The following MYRIP variants were observed in gnomAD, a reference collection of about 807,000 sequenced individuals.
MYRIP encodes rab effector MyRIP.
MYRIP carries 49 observed loss-of-function variants against 98.0 expected under a neutral mutation model. The observed-to-expected ratio is 0.50, with a 90% CI of 0.40 to 0.63. The LOEUF (loss-of-function observed/expected upper bound fraction) is 0.63, where lower values mean the gene tolerates loss of function less well. MYRIP is among the 30% of genes least tolerant of loss of function. The pLI, the probability that MYRIP is intolerant of heterozygous loss-of-function variation, is 0.00. For missense variants in MYRIP, 1,004 were observed against 1,058.2 expected, an observed-to-expected ratio of 0.95 and a Z score of 0.71; for synonymous variants, 404 against 409.5, an observed-to-expected ratio of 0.99 and a Z score of 0.16.
intron 2 of MYRIP, among the ~76,000 whole-genome samples, chr3:39,916,019 A>G (rs1441476650): frequency 1.3e-5 from 2 of 152,034 alleles, no homozygotes; most frequent in African/African-American, 4.8e-5. Flanking sequence ...GACACTTGCT[A>G]GTTATGTGGC....
intron 3 of MYRIP, among the ~76,000 whole-genome samples, chr3:40,144,954 T>C (rs1242716481): frequency 6.6e-6 from 1 of 152,230 alleles, no homozygotes; most frequent in Non-Finnish European, 1.5e-5. Flanking sequence ...TGTTGATTTA[T>C]GCATCTATGA....
chr3:39,975,742 C>T (rs1377111428), intron 2 of MYRIP, among the ~76,000 whole-genome samples: 1 of 152,114 alleles, frequency 6.6e-6, no homozygotes, highest in Non-Finnish European at 1.5e-5. Context: ...AGAAATAATG[C>T]CACAAAGCTA....
chr3:40,024,088 T>G (rs938814381), intron 2 of MYRIP, among the ~76,000 whole-genome samples: 2 of 152,158 alleles, frequency 1.3e-5, no homozygotes, highest in African/African-American at 4.8e-5. Flanking sequence ...GTCAAGGACA[T>G]GTGGAACCTG....
intron 2 of MYRIP, among the ~76,000 whole-genome samples, chr3:40,005,348 A>C (rs1035601692): frequency 6.6e-6 from 1 of 152,256 alleles, no homozygotes; most frequent in African/African-American, 2.4e-5. Context: ...GTTCTAAGTC[A>C]GTATTTGTTA....
intron 3 of MYRIP, among the ~76,000 whole-genome samples, chr3:40,091,171 TG>T: frequency 6.6e-6 from 1 of 152,170 alleles, no homozygotes; most frequent in East Asian, 1.9e-4. Flanking sequence ...CCTGTTCTGC[TG>T]GGATTATCCC....
intron 3 of MYRIP, among the ~76,000 whole-genome samples, chr3:40,116,887 T>C (rs1216831150): frequency 1.3e-5 from 2 of 152,236 alleles, no homozygotes; most frequent in African/African-American, 4.8e-5. Context: ...ACCTCTTTTC[T>C]CATGAGTCAT....
Position 40,167,314 on chromosome 3 carries a change from G to C in MYRIP, c.729+75G>C, listed in dbSNP as rs550599848. On this transcript the variant is annotated intron_variant, in intron 7 of 16. Coordinates refer to ENST00000302541, the MANE Select transcript of MYRIP (RefSeq NM_015460.4). ...GTGCAGGGACTCTGGCAAGTAGCAG[G>C]TGAAACATGGGGAGTGTCTCTAGCA... 3.8e-6 allele frequency: 5 copies of C among 1,325,452 alleles called. No individual in the cohort carries two copies. In the East Asian group the frequency reaches 9.6e-5, roughly 25 times the overall value. 82.1% of individuals were successfully genotyped at this position (1,325,452 alleles called of 1,614,324 possible). A position where few individuals can be genotyped will look rare whatever the true frequency, so the allele number is the denominator to read the frequency against.
chr3:40,154,304 A>G (rs1041433106), intron 4 of MYRIP, among the ~76,000 whole-genome samples: 1 of 152,152 alleles, frequency 6.6e-6, no homozygotes, highest in Non-Finnish European at 1.5e-5. Flanking sequence ...GGCCTAAAAG[A>G]AAACTTGTTT....
chr3:39,893,048 C>A (rs1943524652), intron 1 of MYRIP, among the ~76,000 whole-genome samples: 1 of 152,110 alleles, frequency 6.6e-6, no homozygotes, highest in Non-Finnish European at 1.5e-5. Flanking sequence ...CAAACTTGAC[C>A]AAGTGGGTTG....
At chr3:40,033,682 G>T (rs190092431) in intron 2 of MYRIP, among the ~76,000 whole-genome samples, 2 of 152,164 alleles carry the variant, frequency 1.3e-5, no homozygotes, top group Non-Finnish European at 2.9e-5. Flanking sequence ...TCCCTATCAA[G>T]CTACCAATGA....
chr3:40,087,841 A>G (rs1167144864), intron 3 of MYRIP, among the ~76,000 whole-genome samples: 2 of 152,138 alleles, frequency 1.3e-5, no homozygotes, highest in African/African-American at 4.8e-5. Context: ...CAGATTGAAG[A>G]CTGCACTAGG....
intron 2 of MYRIP, among the ~76,000 whole-genome samples, chr3:39,978,372 G>A (rs1945805739): frequency 6.6e-6 from 1 of 152,186 alleles, no homozygotes; most frequent in Non-Finnish European, 1.5e-5. Flanking sequence ...AGTGGGTGAC[G>A]AGCACTGTGG....
At chr3:39,919,823 C>G (rs1903044) in intron 2 of MYRIP, among the ~76,000 whole-genome samples, 2,677 of 151,992 alleles carry the variant, frequency 0.018, 71 homozygotes, top group African/African-American at 0.06. Context: ...AACCTCAAAG[C>G]AGAGGCACAG....
intron 11 of MYRIP, among the ~76,000 whole-genome samples, chr3:40,214,646 G>A (rs944374372): frequency 6.6e-6 from 1 of 152,134 alleles, no homozygotes; most frequent in African/African-American, 2.4e-5. Context: ...TTCCCAAAAG[G>A]TCATGTTTCT....
intron 10 of MYRIP, among the ~76,000 whole-genome samples, chr3:40,203,226 G>A (rs1040597012): frequency 6.6e-6 from 1 of 151,958 alleles, no homozygotes; most frequent in Non-Finnish European, 1.5e-5. Context: ...CACTGCGCCT[G>A]GCTCTTCTCC....
intron 8 of MYRIP, among the ~76,000 whole-genome samples, chr3:40,176,980 T>G (rs1295434616): frequency 1.4e-5 from 2 of 147,492 alleles, no homozygotes; most frequent in Admixed American, 6.8e-5. Flanking sequence ...GAAAATGAAG[T>G]GGGAGGATCC....
At chr3:39,984,540 T>C (rs1272028258) in intron 2 of MYRIP, among the ~76,000 whole-genome samples, 1 of 152,240 alleles carries the variant, frequency 6.6e-6, no homozygotes, top group Non-Finnish European at 1.5e-5. Context: ...TCCATGTCCC[T>C]ACAAAGGACA....
intron 2 of MYRIP, among the ~76,000 whole-genome samples, chr3:39,961,782 G>A (rs546312528): frequency 6.6e-6 from 1 of 152,142 alleles, no homozygotes; most frequent in Non-Finnish European, 1.5e-5. Flanking sequence ...TTCCTATTTT[G>A]TTTTGAGATA....
chr3:40,122,237 TG>T (rs1274856780), intron 3 of MYRIP, among the ~76,000 whole-genome samples: 2 of 151,258 alleles, frequency 1.3e-5, no homozygotes, highest in Non-Finnish European at 3.0e-5. Flanking sequence ...TGAAAGTAAA[TG>T]AAAAAGAAAT....
Sources: allele counts gnomAD v4.1 joint callset (sites outside exome capture counted in the v4.1 genomes callset), GRCh38; gene constraint gnomAD v4.1.1; transcripts MANE v1.5; gene names NCBI Gene and HGNC (gene_info 2026-07-23, HGNC 2026-07-21).